Variants in ATP11C observed in about 807,000 individuals in gnomAD.
ATP11C encodes phospholipid-transporting ATPase IG.
ATP11C carries 36 observed loss-of-function variants against 97.4 expected under a neutral mutation model. That is an observed-to-expected ratio of 0.37 (90% CI 0.28 to 0.49). The LOEUF is 0.49. Among genes scored for constraint, ATP11C ranks in the 20% least tolerant of loss-of-function variants. The pLI is 0.98. For missense variants in ATP11C, 730 were observed against 824.6 expected, an observed-to-expected ratio of 0.89 and a Z score of 1.40; for synonymous variants, 275 against 290.9, an observed-to-expected ratio of 0.95 and a Z score of 0.56.
intron 18 of ATP11C, among the ~76,000 whole-genome samples, chrX:139,775,448 T>G (rs1489325447): frequency 1.8e-5 from 2 of 112,106 alleles, no homozygotes; most frequent in Non-Finnish European, 3.8e-5. Flanking sequence ...CAAATGCCAG[T>G]TGTCCTCATA....
intron 1 of ATP11C, among the ~76,000 whole-genome samples, chrX:139,927,874 A>G (rs1159907905): frequency 1.8e-5 from 2 of 112,027 alleles, no homozygotes; most frequent in African/African-American, 6.5e-5. Flanking sequence ...CTCATTCTGC[A>G]TAAGAGCGGG....
At chrX:139,884,963 C>T (rs1338628124) in intron 1 of ATP11C, among the ~76,000 whole-genome samples, 1 of 111,686 alleles carries the variant, frequency 9.0e-6, no homozygotes, top group Non-Finnish European at 1.9e-5. Context: ...AAATGTTCTA[C>T]ATTTCAAATT....
At chrX:139,775,953 G>A (rs938729170) in intron 18 of ATP11C, among the ~76,000 whole-genome samples, 29 of 112,751 alleles carry the variant, frequency 2.6e-4, no homozygotes, top group Non-Finnish European at 5.4e-4. Context: ...AAGCTCATGG[G>A]GATCAGTGAG....
At chrX:139,742,874 AAAAT>A (rs1476255134) in intron 26 of ATP11C, among the ~76,000 whole-genome samples, 8 of 24,181 alleles carry the variant, frequency 3.3e-4, no homozygotes, top group African/African-American at 1.4e-3. Flanking sequence ...TAAAAAAAAA[AAAAT>A]ATATATATAT....
chrX:139,890,085 G>A (rs1428339219), intron 1 of ATP11C, among the ~76,000 whole-genome samples: 1 of 111,750 alleles, frequency 8.9e-6, no homozygotes, highest in Non-Finnish European at 1.9e-5. Context: ...CATAGTAGAA[G>A]CTTATCTTGG....
intron 1 of ATP11C, among the ~76,000 whole-genome samples, chrX:139,852,687 G>A (rs758166862): frequency 3.4e-4 from 37 of 109,863 alleles, no homozygotes; most frequent in Admixed American, 6.8e-4. Context: ...CTGCAGGATG[G>A]AGTGAGTGGG....
chrX:139,887,536 G>A (rs66530666), intron 1 of ATP11C, among the ~76,000 whole-genome samples: 12,068 of 110,967 alleles, frequency 0.11, 897 homozygotes, highest in East Asian at 0.3. Context: ...GCTGAGGTAG[G>A]AGGATTGCTT....
chrX:139,915,666 G>C (rs2085144092), intron 1 of ATP11C, among the ~76,000 whole-genome samples: 1 of 108,534 alleles, frequency 9.2e-6, no homozygotes, highest in African/African-American at 3.4e-5. Context: ...CTCAAAAAAA[G>C]AAAAAGAAAA....
At chrX:139,794,440 G>A (rs1489835706) in intron 12 of ATP11C, among the ~76,000 whole-genome samples, 5 of 112,168 alleles carry the variant, frequency 4.5e-5, no homozygotes, top group Non-Finnish European at 9.4e-5. Context: ...CATTTAGGTC[G>A]TTTCTATACA....
chrX:139,902,177 C>G (rs1262346289), intron 1 of ATP11C, among the ~76,000 whole-genome samples: 1 of 111,011 alleles, frequency 9.0e-6, no homozygotes, highest in African/African-American at 3.3e-5. Flanking sequence ...CTACCTATGA[C>G]CTGAAAGGCC....
At chrX:139,881,848 T>G (rs1389136326) in intron 1 of ATP11C, among the ~76,000 whole-genome samples, 1 of 111,983 alleles carries the variant, frequency 8.9e-6, no homozygotes, top group African/African-American at 3.2e-5. Flanking sequence ...CAAAACATTG[T>G]TCAACAAAGT....
intron 1 of ATP11C, among the ~76,000 whole-genome samples, chrX:139,881,392 C>T (rs748790949): frequency 1.7e-4 from 19 of 110,852 alleles, no homozygotes; most frequent in South Asian, 3.9e-4. Flanking sequence ...TCTCCAGTTG[C>T]TGATATAGAG....
intron 1 of ATP11C, among the ~76,000 whole-genome samples, chrX:139,919,258 T>C (rs2085209470): frequency 9.3e-6 from 1 of 106,984 alleles, no homozygotes; most frequent in Admixed American, 1.0e-4. Flanking sequence ...AACACACACA[T>C]GGCTGGCGTA....
intron 2 of ATP11C, 43 bp downstream of exon 2, chrX:139,826,661 G>A: frequency 8.9e-7 from 1 of 1,118,845 alleles, no homozygotes; most frequent in Non-Finnish European, 1.2e-6. Context: ...TGCATTATCT[G>A]ATTCACTATA....
intron 2 of ATP11C, among the ~76,000 whole-genome samples, chrX:139,820,173 G>A (rs1349886985): frequency 3.8e-5 from 4 of 104,266 alleles, no homozygotes; most frequent in African/African-American, 1.1e-4. Context: ...ACAACAGAGC[G>A]AGAATGAGAC....
intron 1 of ATP11C, among the ~76,000 whole-genome samples, chrX:139,925,454 T>TG (rs2085335851): frequency 5.9e-4 from 3 of 5,117 alleles, no homozygotes; most frequent in Non-Finnish European, 3.9e-3. Context: ...CCTGGCTAAT[T>TG]TTGTAGCCCA....
chrX:139,922,296 A>G (rs946868730), intron 1 of ATP11C, among the ~76,000 whole-genome samples: 1 of 91,986 alleles, frequency 1.1e-5, no homozygotes, highest in Admixed American at 1.3e-4. Context: ...ACATAAATTT[A>G]CTGGAGTCAT....
At chrX:139,784,963 G>A (rs1301926268) in intron 16 of ATP11C, among the ~76,000 whole-genome samples, 2 of 111,536 alleles carry the variant, frequency 1.8e-5, no homozygotes, top group East Asian at 2.8e-4. Context: ...GTTCCTGTTC[G>A]AACACCCAAG....
Position 139,761,813 on chromosome X carries a change from A to G in ATP11C, c.2640+148T>C, listed in dbSNP as rs763735305. ...GCATTTCTGGTTTCTGATTCATCCA[A>G]TAGACCACCTCTGCTTTGTTGACTG... On this transcript the variant is annotated intron_variant, in intron 22 of 29. Transcript: ENST00000682941. The G allele has an allele frequency of 7.8e-6, 3 of 385,649 alleles. No individual in the cohort carries two copies. The South Asian group carries it at 3.7e-4, about 48-fold the overall frequency. The allele number at this position is 385,649 out of a possible 1,213,427, so 31.8% of individuals were successfully genotyped here.
Sources: gnomAD v4.1 joint callset for allele counts (sites outside exome capture counted in the v4.1 genomes callset) on GRCh38, gnomAD v4.1.1 for gene constraint, MANE v1.5 for transcripts, NCBI Gene and HGNC (gene_info 2026-07-23, HGNC 2026-07-21) for gene names.